Variants in MPDZ observed in about 807,000 individuals in gnomAD.
MPDZ encodes the protein multiple PDZ domain crumbs cell polarity complex component, also known as multiple PDZ domain protein.
A neutral mutation model predicts 239.1 loss-of-function variants in MPDZ; 234 were observed. That is an observed-to-expected ratio of 0.98 (90% CI 0.88 to 1.09). The LOEUF (loss-of-function observed/expected upper bound fraction) is 1.09, where lower values mean the gene tolerates loss of function less well. Ranked by LOEUF, MPDZ falls within the 50% of genes least tolerant of loss-of-function variation. The probability of loss-of-function intolerance (pLI) is 0.00; values close to 1 mark genes in which losing one functional copy is unlikely to be tolerated. For missense variants in MPDZ, 3,175 were observed against 2,510.0 expected (o/e 1.26, Z -5.66); for synonymous variants, 1,048 against 881.3 (o/e 1.19, Z -3.35).
intron 10 of MPDZ, among the ~76,000 whole-genome samples, chr9:13,207,227 C>A (rs1957104392): frequency 6.6e-6 from 1 of 152,112 alleles, no homozygotes; most frequent in Non-Finnish European, 1.5e-5. Flanking sequence ...ACAAAACATT[C>A]AAAAATGTCC....
chr9:13,121,797 T>C lies in MPDZ; in HGVS notation c.5173A>G (p.Thr1725Ala), dbSNP rs776517480. 7 of 1,613,978 alleles carry C rather than the reference T, an allele frequency of 4.3e-6. No homozygotes were observed. The highest frequency in any genetic ancestry group is 1.7e-5 in the Admixed American group (1 of 60,008). The change falls in exon 38 of 47, where the codon ACT becomes GCT. Residue 1725 changes from threonine (T) to alanine (A), a missense_variant. Physicochemically the swap from Thr to Ala is moderately conservative, Grantham distance 58 (BLOSUM62 0). Transcript: ENST00000319217. Reference sequence around the variant, plus strand: ...CCCGGCTTCTTCTGCAGCTCAATAGTGAGGGTGTCACACACTTCCTCCTCT... The same window carrying C: ...CCCGGCTTCTTCTGCAGCTCAATAGCGAGGGTGTCACACACTTCCTCCTCT... ...YKEEEVCDTLTIELQKKPGKG... is the reference protein window; with the variant it reads ...YKEEEVCDTLAIELQKKPGKG...
At chr9:13,219,009 GAAT>G (rs1418538881) in intron 8 of MPDZ, among the ~76,000 whole-genome samples, 3 of 151,890 alleles carry the variant, frequency 2.0e-5, no homozygotes, top group Non-Finnish European at 2.9e-5. Flanking sequence ...AACTGGGTCA[GAAT>G]AATGACTACT....
chr9:13,112,234 C>T, intron 42 of MPDZ, 88 bp from the exon 43 acceptor site: 25 of 1,299,448 alleles, frequency 1.9e-5, no homozygotes, highest in Non-Finnish European at 2.5e-5. Flanking sequence ...CTATAGTCAA[C>T]TCTGATTTTC....
intron 25 of MPDZ, among the ~76,000 whole-genome samples, chr9:13,148,550 T>C (rs958510252): frequency 3.3e-5 from 5 of 152,048 alleles, no homozygotes; most frequent in Non-Finnish European, 5.9e-5. Context: ...CTCCCTCAGG[T>C]TGATACTTAG....
chr9:13,213,125 G>C (rs908258377), intron 10 of MPDZ, among the ~76,000 whole-genome samples: 11 of 151,994 alleles, frequency 7.2e-5, no homozygotes, highest in Non-Finnish European at 7.4e-5. Flanking sequence ...AAGAATGAGT[G>C]TTTTTATCTA....
At chr9:13,189,724 T>C (rs147547070) in intron 16 of MPDZ, among the ~76,000 whole-genome samples, 1 of 152,292 alleles carries the variant, frequency 6.6e-6, no homozygotes, top group African/African-American at 2.4e-5. Flanking sequence ...ACAGCAGAAA[T>C]ATTAATTGGA....
At chr9:13,205,249 A>G (rs1218754349) in intron 11 of MPDZ, 142 bp from the exon 12 acceptor site, 1 of 463,654 alleles carries the variant, frequency 2.2e-6, no homozygotes, top group African/African-American at 2.0e-5. Context: ...TATGTACTTA[A>G]AGGCAAGTTC....
intron 18 of MPDZ, among the ~76,000 whole-genome samples, chr9:13,183,956 T>C (rs1220557671): frequency 1.3e-5 from 2 of 152,018 alleles, no homozygotes; most frequent in African/African-American, 2.4e-5. Context: ...TAATTTTTCC[T>C]AGTCAACTAA....
intron 32 of MPDZ, among the ~76,000 whole-genome samples, chr9:13,129,603 A>G (rs191596980): frequency 5.4e-4 from 82 of 152,310 alleles, no homozygotes; most frequent in African/African-American, 1.9e-3. Flanking sequence ...CTTTTACCAG[A>G]GTGCATATAG....
intron 3 of MPDZ, among the ~76,000 whole-genome samples, chr9:13,225,747 G>T (rs1960372513): frequency 6.6e-6 from 1 of 152,006 alleles, no homozygotes; most frequent in Admixed American, 6.6e-5. Context: ...CAAGGTTTGG[G>T]TAAGTATACC....
At chr9:13,172,123 C>G (rs1056956766) in intron 21 of MPDZ, among the ~76,000 whole-genome samples, 25 of 152,298 alleles carry the variant, frequency 1.6e-4, no homozygotes, top group African/African-American at 5.8e-4. Context: ...AGCATCTCCT[C>G]TGAAATGAGG....
At chr9:13,183,366 A>T (rs1021521220) in intron 19 of MPDZ, 52 bp downstream of exon 19, 5 of 1,485,144 alleles carry the variant, frequency 3.4e-6, no homozygotes, top group African/African-American at 1.4e-5. Flanking sequence ...GAGCTCTGGA[A>T]AATTACACAC....
chr9:13,146,741 G>A (rs1587233721), intron 26 of MPDZ, among the ~76,000 whole-genome samples: 2 of 152,010 alleles, frequency 1.3e-5, no homozygotes, highest in East Asian at 3.9e-4. Context: ...AATAACTGCT[G>A]CATGTGAATT....
intron 23 of MPDZ, among the ~76,000 whole-genome samples, chr9:13,160,950 G>A (rs1488609611): frequency 1.4e-5 from 2 of 146,774 alleles, no homozygotes; most frequent in African/African-American, 2.5e-5. Flanking sequence ...ATGGGAGAAT[G>A]TGCATAGGTT....
chr9:13,140,089 G>A lies in MPDZ; in HGVS notation c.3901C>T (p.Pro1301Ser). The A allele has an allele frequency of 2.5e-6, 4 of 1,613,496 alleles. No homozygotes were observed. The South Asian group carries it at 3.3e-5, about 13-fold the overall frequency. Residue 1301 changes from proline (P) to serine (S), a missense_variant, in exon 28 of 47, where the codon CCT becomes TCT. Pro to Ser is a moderately conservative substitution (Grantham distance 74). Coordinates refer to ENST00000319217, the MANE Select transcript of MPDZ (RefSeq NM_001378778.1). ...KAPLCSVPPP[P>S]PSAFAEMGSD... ...CCCATTTCGGCAAAGGCTGAAGGAGGGGGTGGGGGCACACTGCACAATGGA... is the reference window on the plus strand; with the variant it reads ...CCCATTTCGGCAAAGGCTGAAGGAGAGGGTGGGGGCACACTGCACAATGGA...
At chr9:13,222,538 T>C in intron 5 of MPDZ, 92 bp from the exon 6 acceptor site, 1 of 1,031,958 alleles carries the variant, frequency 9.7e-7, no homozygotes, top group South Asian at 1.5e-5. Flanking sequence ...TCATTTTTAA[T>C]CCTATTTTTA....
intron 21 of MPDZ, among the ~76,000 whole-genome samples, chr9:13,170,547 TC>T (rs968054490): frequency 1.3e-5 from 2 of 152,156 alleles, no homozygotes; most frequent in African/African-American, 4.8e-5. Flanking sequence ...AAGCCAGCCT[TC>T]CCACCAATAC....
At chr9:13,189,830 T>G (rs967176676) in intron 16 of MPDZ, among the ~76,000 whole-genome samples, 2 of 152,120 alleles carry the variant, frequency 1.3e-5, no homozygotes, top group African/African-American at 4.8e-5. Context: ...AATAAGCCCA[T>G]GGAAATACAA....
intron 3 of MPDZ, among the ~76,000 whole-genome samples, chr9:13,232,954 T>G (rs1371597114): frequency 6.7e-6 from 1 of 149,504 alleles, no homozygotes; most frequent in Non-Finnish European, 1.5e-5. Context: ...TCATTACTCA[T>G]CAGGAAAATG....
Sources: gnomAD v4.1 joint callset for allele counts (sites outside exome capture counted in the v4.1 genomes callset) on GRCh38, gnomAD v4.1.1 for gene constraint, MANE v1.5 for transcripts, NCBI Gene and HGNC (gene_info 2026-07-23, HGNC 2026-07-21) for gene names.